The following MKS1 variants were observed in gnomAD, a reference collection of about 807,000 sequenced individuals.
MKS1 encodes the protein MKS transition zone complex subunit 1, also known as tectonic-like complex member MKS1.
A neutral mutation model predicts 83.7 loss-of-function variants in MKS1; 70 were observed. That is an observed-to-expected ratio of 0.84 (90% CI 0.69 to 1.02). MKS1 has a LOEUF of 1.02. MKS1 is among the 50% of genes least tolerant of loss of function. The pLI, the probability that MKS1 is intolerant of heterozygous loss-of-function variation, is 0.00. For missense variants in MKS1, 681 were observed against 726.9 expected, an observed-to-expected ratio of 0.94 and a Z score of 0.73; for synonymous variants, 251 against 273.4, an observed-to-expected ratio of 0.92 and a Z score of 0.81.
chr17:58,217,650 A>T (rs1310833072), intron 2 of MKS1, among the ~76,000 whole-genome samples: 2 of 152,018 alleles, frequency 1.3e-5, no homozygotes, highest in East Asian at 1.9e-4. Context: ...CTCTACTAAA[A>T]CTTTAAAAAA....
At position 58,207,150 on chromosome 17, in the gene MKS1, ACCT is replaced by A. The variant is rs1251889311; in HGVS notation, c.1339_1341del (p.Arg447del). ...AGTTCCAGAGAACCGCCAATGAAAAACCTCCTCAGCTCAGCCACCGTGCCAAGC... is the reference window on the plus strand; with the variant it reads ...AGTTCCAGAGAACCGCCAATGAAAAACCTCAGCTCAGCCACCGTGCCAAGC... On this transcript the variant is annotated inframe_deletion, in exon 15 of 18. Coordinates refer to ENST00000393119, the MANE Select transcript of MKS1 (RefSeq NM_017777.4). 1 of 1,612,380 alleles carries A rather than the reference ACCT, an allele frequency of 6.2e-7. No homozygotes were observed. The highest frequency in any genetic ancestry group is 8.5e-7 in the Non-Finnish European group (1 of 1,179,642).
chr17:58,215,632 G>A (rs924369821), intron 4 of MKS1: 4 of 195,642 alleles, frequency 2.0e-5, no homozygotes, highest in Admixed American at 1.1e-4. Flanking sequence ...GGTCACAAGG[G>A]TATTTTTGTC....
chr17:58,214,805 C>T lies in MKS1; in HGVS notation c.451G>A (p.Val151Met). Reference sequence around the variant, plus strand: ...ATTCGCTCGACCAAGAATGAAGGCACCTCGCTGGCTGCAGTGGTCATTCTC... The same window carrying T: ...ATTCGCTCGACCAAGAATGAAGGCATCTCGCTGGCTGCAGTGGTCATTCTC... ...CQRMTTAASE[V>M]PSFLVERMAN... Residue 151 changes from valine to methionine, a missense_variant, in exon 5 of 18, where the codon GTG becomes ATG. By Grantham distance (21) the Val-to-Met change is conservative. This residue lies in a region of MKS1 where 365 missense variants were observed against 383.8 expected (regional missense o/e 0.95). Transcript: ENST00000393119. 1 of 1,606,062 alleles carries T rather than the reference C, an allele frequency of 6.2e-7. No individual in the cohort carries two copies. Among genetic ancestry groups the T allele is most frequent in the Middle Eastern group, 1.7e-4 (1 of 6,060 alleles).
At chr17:58,215,028 T>TG in intron 4 of MKS1, 190 bp from the exon 5 acceptor site, 2 of 809,956 alleles carry the variant, frequency 2.5e-6, no homozygotes, top group Non-Finnish European at 3.8e-6. Flanking sequence ...TACCACATCA[T>TG]GGTTTGCCTT....
Position 58,218,608 on chromosome 17 carries a change from C to A in MKS1, c.190+12G>T. On this transcript the variant is annotated intron_variant, in intron 2 of 17. Transcript: ENST00000393119. ...TTAGTATTAGATGGCACATCACCAC[C>A]GTAACACCCACTGGCAGTTGGCTGA... The A allele has an allele frequency of 6.3e-7, 1 of 1,575,028 alleles. No homozygotes were observed. Among genetic ancestry groups the A allele is most frequent in the South Asian group, 1.1e-5 (1 of 90,192 alleles).
At position 58,216,122 on chromosome 17, in the gene MKS1, T is replaced by C. The variant is rs776068083; in HGVS notation, c.383A>G (p.Tyr128Cys). The change falls in exon 4 of 18, where the codon TAC (tyrosine) becomes TGC (cysteine). Residue 128 changes from tyrosine (Y) to cysteine (C), a missense_variant. Coordinates refer to ENST00000393119, the MANE Select transcript of MKS1 (RefSeq NM_017777.4). ...GGKKNRRIFT[Y>C]TDSDRYTNLE... Reference sequence around the variant, plus strand: ...ATTGGTGTATCTATCAGAGTCAGTGTAGGTAAAGATTCGTCGGTTTTTCTT... The same window carrying C: ...ATTGGTGTATCTATCAGAGTCAGTGCAGGTAAAGATTCGTCGGTTTTTCTT... 9 of 1,614,214 alleles carry C rather than the reference T, an allele frequency of 5.6e-6. No individual in the cohort carries two copies. The South Asian group carries it at 9.9e-5, about 18-fold the overall frequency.
chr17:58,218,171 G>A (rs1969339146), intron 2 of MKS1, among the ~76,000 whole-genome samples: 3 of 152,180 alleles, frequency 2.0e-5, no homozygotes, highest in Admixed American at 2.0e-4. Context: ...CAAATAGGAC[G>A]GGCGCGGTGG....
At position 58,219,247 on chromosome 17, in the gene MKS1, C is replaced by A. The variant is rs1163438823; in HGVS notation, c.-17G>T. On this transcript the variant is annotated 5_prime_UTR_variant, in exon 1 of 18. Coordinates refer to ENST00000393119, the MANE Select transcript of MKS1 (RefSeq NM_017777.4). ...CTCCGCCATGACAGCTGCGACGCGC[C>A]GCGACTGCGCCGGAAAGCGCGCCGC... The A allele has an allele frequency of 1.3e-6, 2 of 1,549,542 alleles. No homozygotes were observed. The highest frequency in any genetic ancestry group is 2.0e-5 in the Admixed American group (1 of 50,998).
rs1250956052 is a variant in MKS1 at position 58,214,398 on chromosome 17, C to A, written c.516-11G>T. The stretch of plus-strand genomic sequence containing the variant: ...AGGATGCCGCCCTCCCTGGGAGACA[C>A]CACAGAAAGGTCACTTCCCTGGCAC... On this transcript the variant is annotated splice_polypyrimidine_tract_variant and intron_variant, in intron 5 of 17. Transcript: ENST00000393119. 1 of 1,612,630 alleles carries A rather than the reference C, an allele frequency of 6.2e-7. No individual in the cohort carries two copies. Among genetic ancestry groups the A allele is most frequent in the South Asian group, 1.1e-5 (1 of 91,010 alleles).
chr17:58,214,323 T>G lies in MKS1; in HGVS notation c.580A>C (p.Asn194His). ...TGAAGAGGGGTGTTAATGACGTGGTTGTTCCTGACAAACTCTTCTGAGGGC... is the reference window on the plus strand; with the variant it reads ...TGAAGAGGGGTGTTAATGACGTGGTGGTTCCTGACAAACTCTTCTGAGGGC... Reference protein sequence around the residue: ...WEPSEEFVRNNHVINTPLQTM... With the variant: ...WEPSEEFVRNHHVINTPLQTM... The change falls in exon 6 of 18, where the codon AAC (asparagine) becomes CAC (histidine). Residue 194 changes from asparagine (N) to histidine (H), a missense_variant. Around this residue, in one of 3 missense-constraint regions of MKS1, gnomAD observed 365 missense variants for 383.8 expected, o/e 0.95. Transcript: ENST00000393119. 1 of 1,614,096 alleles carries G rather than the reference T, an allele frequency of 6.2e-7. No homozygotes were observed. The highest frequency in any genetic ancestry group is 8.5e-7 in the Non-Finnish European group (1 of 1,180,040).
In MKS1 at chr17:58,216,755, G is replaced by T; in HGVS notation, c.191-19C>A. 1.2e-6 allele frequency: 2 copies of T among 1,613,242 alleles called. No individual in the cohort carries two copies. Among genetic ancestry groups the T allele is most frequent in the Non-Finnish European group, 1.7e-6 (2 of 1,179,256 alleles). ...TGTCCACCTCCAAAGACAACAGAGTGAATCAAATGCTTGAGCCAAACCAGC... is the reference window on the plus strand; with the variant it reads ...TGTCCACCTCCAAAGACAACAGAGTTAATCAAATGCTTGAGCCAAACCAGC... On this transcript the variant is annotated intron_variant, in intron 2 of 17. Coordinates refer to ENST00000393119, the MANE Select transcript of MKS1 (RefSeq NM_017777.4).
chr17:58,214,111 A>T, intron 6 of MKS1, 148 bp downstream of exon 6: 1 of 1,216,404 alleles, frequency 8.2e-7, no homozygotes, highest in Non-Finnish European at 1.2e-6. Context: ...CTGAGTTGGC[A>T]GTGAGAAGCT....
Position 58,219,018 on chromosome 17 carries a change from G to C in MKS1, c.80+133C>G, listed in dbSNP as rs143561067. 4.2e-4 allele frequency: 557 copies of C among 1,316,022 alleles called. 5 individuals carry two copies. In the East Asian group the frequency reaches 8.2e-3, roughly 19 times the overall value. 81.5% of individuals were successfully genotyped at this position (1,316,022 alleles called of 1,614,324 possible). On this transcript the variant is annotated intron_variant, in intron 1 of 17. Coordinates refer to ENST00000393119, the MANE Select transcript of MKS1 (RefSeq NM_017777.4). ...GTGAGTGGATGGGGGTACGGATAGT[G>C]AAAGAAGTGGGGAGCCCGGAGAAGT... is the stretch of plus-strand genomic sequence containing the variant.
Position 58,210,739 on chromosome 17 carries a change from AG to A in MKS1, c.959-16del, listed in dbSNP as rs750835583. 9.9e-6 allele frequency: 16 copies of A among 1,613,700 alleles called. No individual in the cohort carries two copies. In the South Asian group the frequency reaches 1.8e-4, roughly 18 times the overall value. ...TTGGGCTGAAACTACGAGAGAAAACAGGAAGCTATTTTAGCTTTTTCTCCTA... is the reference window on the plus strand; with the variant it reads ...TTGGGCTGAAACTACGAGAGAAAACAGAAGCTATTTTAGCTTTTTCTCCTA... On this transcript the variant is annotated splice_polypyrimidine_tract_variant and intron_variant, in intron 10 of 17. Coordinates refer to ENST00000393119, the MANE Select transcript of MKS1 (RefSeq NM_017777.4).
chr17:58,214,725 C>T lies in MKS1; in HGVS notation c.515+16G>A, dbSNP rs1597995885. The stretch of plus-strand genomic sequence containing the variant: ...AAAAAGTAAAAGCTTGTCCCCCATC[C>T]CATGCCCGCACTCACATCCCTCGCC... On this transcript the variant is annotated intron_variant, in intron 5 of 17. Transcript: ENST00000393119. The T allele has an allele frequency of 1.9e-6, 3 of 1,602,172 alleles. No individual in the cohort carries two copies.
In MKS1 at chr17:58,214,295, G is replaced by A; in HGVS notation, c.608C>T (p.Thr203Ile). Residue 203 changes from threonine (T) to isoleucine (I), a missense_variant, in exon 6 of 18, where the codon ACA (threonine) becomes ATA (isoleucine). Coordinates refer to ENST00000393119, the MANE Select transcript of MKS1 (RefSeq NM_017777.4). ...NNHVINTPLQ[T>I]MHIMADLGPY... The stretch of plus-strand genomic sequence containing the variant: ...CCCCAGGTCTGCCATGATGTGCATT[G>A]TCTGAAGAGGGGTGTTAATGACGTG... The A allele has an allele frequency of 1.2e-6, 2 of 1,614,178 alleles. No individual in the cohort carries two copies. Among genetic ancestry groups the A allele is most frequent in the Non-Finnish European group, 1.7e-6 (2 of 1,180,030 alleles).
chr17:58,214,169 A>G, intron 6 of MKS1, 90 bp downstream of exon 6: 2 of 1,586,382 alleles, frequency 1.3e-6, no homozygotes, highest in South Asian at 2.2e-5. Flanking sequence ...TCCCTCCCCT[A>G]TAACCTAGGA....
chr17:58,216,195 C>G lies in MKS1; in HGVS notation c.310G>C (p.Asp104His). Residue 104 changes from aspartate (D) to histidine (H), a missense_variant, in exon 4 of 18, where the codon GAT (aspartate) becomes CAT (histidine). Transcript: ENST00000393119. ...QNETACQSPL[D>H]YQYRQEILKL... The stretch of plus-strand genomic sequence containing the variant: ...AGGATCTCCTGACGGTACTGATAAT[C>G]CAAAGGACTCTGACAGGCTGTTTCA... The G allele has an allele frequency of 1.2e-6, 2 of 1,614,030 alleles. No individual in the cohort carries two copies. Among genetic ancestry groups the G allele is most frequent in the Middle Eastern group, 1.6e-4 (1 of 6,062 alleles).
chr17:58,216,042 A>G (rs1456785229), intron 4 of MKS1, 46 bp downstream of exon 4: 1 of 1,607,828 alleles, frequency 6.2e-7, no homozygotes, highest in South Asian at 1.1e-5. Flanking sequence ...CAAAAAAGCT[A>G]GAGGAAGCAA....
Sources: gnomAD v4.1 joint callset for allele counts (sites outside exome capture counted in the v4.1 genomes callset) on GRCh38, gnomAD v4.1.1 for gene constraint, gnomAD v4.1.1 regional missense constraint, MANE v1.5 for transcripts, NCBI Gene and HGNC (gene_info 2026-07-23, HGNC 2026-07-21) for gene names.